GRIA4: variants seen among roughly 807,000 people sequenced by gnomAD.
The protein encoded by GRIA4 is glutamate ionotropic receptor AMPA type subunit 4, also known as glutamate receptor 4.
GRIA4 carries 34 observed loss-of-function variants against 104.0 expected under a neutral mutation model. The ratio of observed to expected loss-of-function variants is 0.33; its 90% CI spans 0.25 to 0.44. The LOEUF is 0.44. Ranked by LOEUF, GRIA4 falls within the 20% of genes least tolerant of loss-of-function variation. GRIA4 has a pLI of 1.00. For synonymous variants in GRIA4, 386 were observed against 381.9 expected (o/e 1.01, Z -0.13); for missense variants, 750 against 1,096.5 (o/e 0.68, Z 4.46).
rs116724462 is a variant in GRIA4 at position 105,763,328 on chromosome 11, C to T, written c.487+10108C>T. On this transcript the variant is annotated intron_variant, in intron 4 of 16. Coordinates refer to ENST00000282499, the MANE Select transcript of GRIA4 (RefSeq NM_000829.4). ...GGGATGGTATGGACGTGGAAGTTGG[C>T]GATGTGGGTGTGATGACAGTGTTTC... Among the ~76,000 whole-genome samples, 365 of 152,046 alleles carry T rather than the reference C, an allele frequency of 2.4e-3. 2 individuals carry two copies. Among genetic ancestry groups the T allele is most frequent in the Middle Eastern group, 0.014 (4 of 294 alleles).
At chr11:105,700,933 C>T (rs1170530466) in intron 3 of GRIA4, among the ~76,000 whole-genome samples, 1 of 152,168 alleles carries the variant, frequency 6.6e-6, no homozygotes, top group Non-Finnish European at 1.5e-5. Context: ...CTTCAGGTGT[C>T]ATGAAAGGCT....
chr11:105,707,900 G>A (rs1953764926), intron 3 of GRIA4: 1 of 152,568 alleles, frequency 6.6e-6, no homozygotes, highest in Admixed American at 6.6e-5. Context: ...GGAGGAATGG[G>A]TGGAGTGGGA....
chr11:105,798,425 C>A (rs1942580336), intron 4 of GRIA4, among the ~76,000 whole-genome samples: 1 of 151,808 alleles, frequency 6.6e-6, no homozygotes, highest in African/African-American at 2.4e-5. Flanking sequence ...AGTGACAAAG[C>A]CAAAGTGGGT....
intron 4 of GRIA4, among the ~76,000 whole-genome samples, chr11:105,856,456 C>T (rs922190058): frequency 2.6e-5 from 4 of 152,082 alleles, no homozygotes; most frequent in Non-Finnish European, 5.9e-5. Context: ...CTGAATGTGA[C>T]CTGCTATGCA....
intron 4 of GRIA4, among the ~76,000 whole-genome samples, chr11:105,849,017 C>T (rs1944699500): frequency 6.6e-6 from 1 of 152,048 alleles, no homozygotes; most frequent in Admixed American, 6.6e-5. Flanking sequence ...TGGCGACAAC[C>T]CGTCTCTACT....
chr11:105,845,838 C>G (rs1336389890), intron 4 of GRIA4, among the ~76,000 whole-genome samples: 1 of 152,104 alleles, frequency 6.6e-6, no homozygotes, highest in Non-Finnish European at 1.5e-5. Context: ...TTGCAGTGAG[C>G]CTAGATCACG....
intron 5 of GRIA4, among the ~76,000 whole-genome samples, chr11:105,871,437 G>A (rs1459811002): frequency 2.0e-5 from 3 of 151,038 alleles, no homozygotes; most frequent in African/African-American, 7.3e-5. Flanking sequence ...TTATTAGGGA[G>A]AGGTTTTTTT....
chr11:105,874,355 C>A (rs570835522), intron 5 of GRIA4, among the ~76,000 whole-genome samples: 55 of 152,266 alleles, frequency 3.6e-4, no homozygotes, highest in Admixed American at 1.0e-3. Context: ...TAGTGTGATG[C>A]CTCTGACTTT....
chr11:105,735,597 T>C (rs549171459), intron 3 of GRIA4, among the ~76,000 whole-genome samples: 2 of 152,194 alleles, frequency 1.3e-5, no homozygotes, highest in Non-Finnish European at 2.9e-5. Flanking sequence ...AATTGTTCCT[T>C]CTATTTGAAT....
intron 14 of GRIA4, among the ~76,000 whole-genome samples, chr11:105,939,696 A>T (rs1426624142): frequency 6.6e-6 from 1 of 152,224 alleles, no homozygotes; most frequent in Non-Finnish European, 1.5e-5. Flanking sequence ...AGGTTATAGG[A>T]TCATGACTTC....
chr11:105,874,942 A>C (rs1315843935), intron 5 of GRIA4, among the ~76,000 whole-genome samples: 1 of 152,192 alleles, frequency 6.6e-6, no homozygotes, highest in African/African-American at 2.4e-5. Flanking sequence ...CAGAACTTCC[A>C]ATAATGTGTT....
chr11:105,739,708 G>C (rs957617320), intron 3 of GRIA4, among the ~76,000 whole-genome samples: 2 of 152,096 alleles, frequency 1.3e-5, no homozygotes, highest in Admixed American at 1.3e-4. Context: ...ATCTGAACAT[G>C]AGGAGCTTAT....
At chr11:105,791,777 A>T (rs1003274444) in intron 4 of GRIA4, among the ~76,000 whole-genome samples, 84 of 152,190 alleles carry the variant, frequency 5.5e-4, no homozygotes, top group African/African-American at 2.0e-3. Context: ...AGCAATATGA[A>T]TTTGAATGTC....
At chr11:105,852,199 A>G (rs1426251778) in intron 4 of GRIA4, among the ~76,000 whole-genome samples, 1 of 152,126 alleles carries the variant, frequency 6.6e-6, no homozygotes, top group Non-Finnish European at 1.5e-5. Context: ...TAAGAAAAAG[A>G]GCTAGGTTTT....
chr11:105,668,219 T>TA (rs372135018), intron 3 of GRIA4, among the ~76,000 whole-genome samples: 61,756 of 100,994 alleles, frequency 0.61, 14,293 homozygotes, highest in Admixed American at 0.68. Context: ...CACACACACA[T>TA]ATAATATATA....
chr11:105,874,556 A>G (rs1296845863), intron 5 of GRIA4, among the ~76,000 whole-genome samples: 50 of 152,086 alleles, frequency 3.3e-4, no homozygotes, highest in Admixed American at 3.2e-3. Context: ...ATAAGCATGG[A>G]ATGTTTTTCC....
intron 13 of GRIA4, among the ~76,000 whole-genome samples, chr11:105,929,201 G>C (rs909948533): frequency 6.6e-6 from 1 of 151,942 alleles, no homozygotes; most frequent in Non-Finnish European, 1.5e-5. Flanking sequence ...TGTCTGATGG[G>C]CTGAGGAAAC....
At chr11:105,781,645 C>T (rs982653136) in intron 4 of GRIA4, among the ~76,000 whole-genome samples, 8 of 152,192 alleles carry the variant, frequency 5.3e-5, no homozygotes, top group African/African-American at 1.2e-4. Flanking sequence ...CATTGGTATT[C>T]GTTCAATTTA....
chr11:105,825,336 A>G (rs998670673), intron 4 of GRIA4, among the ~76,000 whole-genome samples: 1 of 152,054 alleles, frequency 6.6e-6, no homozygotes, highest in Admixed American at 6.6e-5. Flanking sequence ...TTATTGAACC[A>G]GGCCTAGGCA....
Sources: gnomAD v4.1 joint callset for allele counts (sites outside exome capture counted in the v4.1 genomes callset) on GRCh38, gnomAD v4.1.1 for gene constraint, MANE v1.5 for transcripts, NCBI Gene and HGNC (gene_info 2026-07-23, HGNC 2026-07-21) for gene names.